Variants in AOPEP observed in about 807,000 individuals in gnomAD.
AOPEP encodes the protein aminopeptidase O.
AOPEP carries 77 observed loss-of-function variants against 98.1 expected under a neutral mutation model. The observed-to-expected ratio is 0.78, with a 90% CI of 0.65 to 0.95. AOPEP has a LOEUF of 0.95. AOPEP is among the 40% of genes least tolerant of loss of function. The pLI, the probability that AOPEP is intolerant of heterozygous loss-of-function variation, is 0.00. For missense variants in AOPEP, 1,024 were observed against 1,024.7 expected, an observed-to-expected ratio of 1.00 and a Z score of 0.01; for synonymous variants, 346 against 365.3, an observed-to-expected ratio of 0.95 and a Z score of 0.60.
chr9:95,107,049 A>G, the AOPEP span: 2 of 1,613,864 alleles, frequency 1.2e-6, no homozygotes, highest in Non-Finnish European at 1.7e-6. Context: ...AGGATGCTGG[A>G]CCACAGGGAG....
intron 5 of AOPEP, among the ~76,000 whole-genome samples, chr9:94,906,483 A>AATAATAATAATAAT (rs138384769): frequency 0.015 from 2,241 of 145,662 alleles, 35 homozygotes; most frequent in Admixed American, 0.023. Context: ...TAATAATAAT[A>AATAATAATAATAAT]AAAAAACAGA....
chr9:95,005,300 C>T (rs2061911553), intron 12 of AOPEP, 80 bp downstream of exon 12: 3 of 816,174 alleles, frequency 3.7e-6, no homozygotes, highest in African/African-American at 1.8e-5. Flanking sequence ...TGGCTCTGCG[C>T]TGCGGCGCGC....
At chr9:94,942,904 CAAAAAAAAAAAAAA>C (rs35186299) in intron 7 of AOPEP, among the ~76,000 whole-genome samples, 1 of 82,800 alleles carries the variant, frequency 1.2e-5, no homozygotes, top group African/African-American at 4.3e-5. Context: ...GAGTCTGTCT[CAAAAAAAAAAAAAA>C]AAAAAAAAAT....
At chr9:94,963,324 G>T (rs952083891) in intron 9 of AOPEP, among the ~76,000 whole-genome samples, 7 of 152,102 alleles carry the variant, frequency 4.6e-5, no homozygotes. Context: ...CTTTCACCAG[G>T]ACTAAAAAAT....
intron 4 of AOPEP, among the ~76,000 whole-genome samples, chr9:94,795,114 A>G (rs1373859963): frequency 6.6e-6 from 1 of 152,192 alleles, no homozygotes; most frequent in Non-Finnish European, 1.5e-5. Flanking sequence ...CATTTTATAG[A>G]TAAGGATATT....
intron 11 of AOPEP, among the ~76,000 whole-genome samples, chr9:94,989,338 G>A (rs2060728861): frequency 6.6e-6 from 1 of 151,986 alleles, no homozygotes; most frequent in East Asian, 1.9e-4. Context: ...TCCTGACCTC[G>A]AGATCCGCCC....
intron 5 of AOPEP, among the ~76,000 whole-genome samples, chr9:94,836,160 AC>A (rs1333328605): frequency 6.6e-6 from 1 of 152,196 alleles, no homozygotes; most frequent in African/African-American, 2.4e-5. Flanking sequence ...TTGCCATGTA[AC>A]TTAAGACATA....
At chr9:94,864,708 A>T (rs560617486) in intron 5 of AOPEP, among the ~76,000 whole-genome samples, 39 of 152,298 alleles carry the variant, frequency 2.6e-4, no homozygotes, top group African/African-American at 7.9e-4. Context: ...TTTATAAAAT[A>T]CTTAGAAAAA....
chr9:94,909,035 C>T (rs1007957706), intron 5 of AOPEP, among the ~76,000 whole-genome samples: 1 of 152,018 alleles, frequency 6.6e-6, no homozygotes. Context: ...GCAATGTTCC[C>T]CATGACATTA....
At chr9:95,012,907 TTTTA>T (rs2062647679) in intron 13 of AOPEP, among the ~76,000 whole-genome samples, 1 of 150,892 alleles carries the variant, frequency 6.6e-6, no homozygotes, top group African/African-American at 2.4e-5. Flanking sequence ...CTATTCAGGT[TTTTA>T]TTTATTTTGT....
intron 13 of AOPEP, among the ~76,000 whole-genome samples, chr9:95,054,437 C>T (rs994744831): frequency 1.3e-5 from 2 of 152,084 alleles, no homozygotes; most frequent in Non-Finnish European, 2.9e-5. Context: ...CAGAGGATTG[C>T]ATGTTTCATC....
intron 10 of AOPEP, among the ~76,000 whole-genome samples, chr9:94,971,855 G>A (rs565101411): frequency 6.6e-6 from 1 of 152,354 alleles, no homozygotes; most frequent in East Asian, 1.9e-4. Context: ...TGTAGGAAGT[G>A]CTCTGCTGAG....
intron 2 of AOPEP, among the ~76,000 whole-genome samples, chr9:94,770,450 T>C (rs1340103372): frequency 1.3e-5 from 2 of 152,214 alleles, no homozygotes; most frequent in East Asian, 3.8e-4. Context: ...ACAGTCCAGC[T>C]GTTGGCCGGG....
intron 1 of AOPEP, among the ~76,000 whole-genome samples, chr9:94,751,888 CTTTTTTTTTT>C (rs80060505): frequency 8.1e-4 from 85 of 104,550 alleles, no homozygotes; most frequent in Non-Finnish European, 1.3e-3. Flanking sequence ...CCCATGAAAA[CTTTTTTTTTT>C]TTTTTTTTTT....
downstream of AOPEP, among the ~76,000 whole-genome samples, chr9:95,088,805 C>T (rs1169058219): frequency 6.6e-6 from 1 of 152,254 alleles, no homozygotes; most frequent in Non-Finnish European, 1.5e-5. Flanking sequence ...AATCCCCTGG[C>T]TCCTGTGAGT....
chr9:95,128,395 C>T, the AOPEP span, among the ~76,000 whole-genome samples: 4 of 152,148 alleles, frequency 2.6e-5, no homozygotes, highest in South Asian at 2.1e-4. Flanking sequence ...CTTGGAAATG[C>T]GTTGATAGAA....
At chr9:94,893,273 A>T (rs1038114176) in intron 5 of AOPEP, among the ~76,000 whole-genome samples, 2 of 152,188 alleles carry the variant, frequency 1.3e-5, no homozygotes, top group Non-Finnish European at 2.9e-5. Context: ...AAGACACTCA[A>T]GTTGCTTATA....
chr9:94,931,887 C>T (rs775511895), intron 7 of AOPEP: 69 of 1,248,898 alleles, frequency 5.5e-5, no homozygotes, highest in Non-Finnish European at 7.0e-5. Context: ...GCCAGTCCTT[C>T]CTCACCTCTC....
chr9:95,118,199 A>C, the AOPEP span, among the ~76,000 whole-genome samples: 2 of 152,010 alleles, frequency 1.3e-5, no homozygotes, highest in Admixed American at 1.3e-4. Flanking sequence ...TTGCATTTTT[A>C]GTGGAGATGG....
Sources: gnomAD v4.1 joint callset for allele counts (sites outside exome capture counted in the v4.1 genomes callset) on GRCh38, gnomAD v4.1.1 for gene constraint, MANE v1.5 for transcripts, NCBI Gene and HGNC (gene_info 2026-07-23, HGNC 2026-07-21) for gene names.